Variants in DUSP16 observed in about 807,000 individuals in gnomAD.
The protein encoded by DUSP16 is dual specificity protein phosphatase 16.
A neutral mutation model predicts 58.3 loss-of-function variants in DUSP16; 21 were observed. That is an observed-to-expected ratio of 0.36 (90% CI 0.26 to 0.52). The LOEUF is 0.52. Ranked by LOEUF, DUSP16 falls within the 20% of genes least tolerant of loss-of-function variation. The pLI is 0.94. For missense variants in DUSP16, 726 were observed against 819.0 expected, an observed-to-expected ratio of 0.89 and a Z score of 1.39; for synonymous variants, 320 against 323.8, an observed-to-expected ratio of 0.99 and a Z score of 0.12.
rs777845455 is a variant in DUSP16, at chr12:12,520,953, T to C, written c.146A>G (p.Asn49Ser). The C allele has an allele frequency of 5.0e-6, 8 of 1,614,224 alleles. No individual in the cohort carries two copies. The highest frequency in any genetic ancestry group is 4.5e-5 in the East Asian group (2 of 44,882). The change falls in exon 2 of 7, where the codon AAC becomes AGC. Residue 49 changes from asparagine (N) to serine (S), a missense_variant. Physicochemically the swap from Asn to Ser is conservative, Grantham distance 46 (BLOSUM62 1). Transcript: ENST00000298573. ...CCTTCGCTTCATAAGCTTGGAGCAG[T>C]TGATATTAATGGCTTCCAAAATGTG... ...TSHILEAINI[N>S]CSKLMKRRLQ... is the part of the protein sequence containing the mutation.
At chr12:12,546,551 A>T (rs1450526742) in intron 1 of DUSP16, among the ~76,000 whole-genome samples, 1 of 152,182 alleles carries the variant, frequency 6.6e-6, no homozygotes, top group Non-Finnish European at 1.5e-5. Context: ...TTTTGTAAGA[A>T]GGGACTGGTA....
In DUSP16 at chr12:12,518,771, C is replaced by T. The variant is rs573134363; in HGVS notation, c.367+1091G>A. Among the ~76,000 whole-genome samples, 7 of 152,268 alleles carry T rather than the reference C, an allele frequency of 4.6e-5. No individual in the cohort carries two copies. The South Asian group carries it at 1.4e-3, about 32-fold the overall frequency. ...ACTACATTCTAAGACAAGCTGGCTTCACTTAAGAACACTAATTGAAAGATC... is the reference window on the plus strand; with the variant it reads ...ACTACATTCTAAGACAAGCTGGCTTTACTTAAGAACACTAATTGAAAGATC... On this transcript the variant is annotated intron_variant, in intron 3 of 6. Transcript: ENST00000298573.
Position 12,498,429 on chromosome 12 carries a change from T to TA in DUSP16, c.531+2089_531+2090insT, listed in dbSNP as rs202108077. Among the ~76,000 whole-genome samples the TA allele has an allele frequency of 3.1e-3, 463 of 151,354 alleles. 4 individuals are homozygous for TA. The East Asian group carries it at 0.069, about 22-fold the overall frequency. On this transcript the variant is annotated intron_variant, in intron 4 of 6. Coordinates refer to ENST00000298573, the MANE Select transcript of DUSP16 (RefSeq NM_030640.3). Reference sequence around the variant, plus strand: ...TTATTTATTTATTTATTTATTTATTTTTTGAGATAGGGCTTTGCTCTGTCA... The same window carrying TA: ...TTATTTATTTATTTATTTATTTATTTATTTGAGATAGGGCTTTGCTCTGTCA...
chr12:12,480,426 G>C (rs78272409), intron 5 of DUSP16, 80 bp from the exon 6 acceptor site: 127,750 of 1,533,552 alleles, frequency 0.083, 6,283 homozygotes, highest in East Asian at 0.18. Flanking sequence ...TACTTACTCA[G>C]TGTCTTCCAC....
At position 12,477,344 on chromosome 12, in the gene DUSP16, T is replaced by C. The variant is rs1943467133; in HGVS notation, c.1487A>G (p.Gln496Arg). Residue 496 changes from glutamine (Q) to arginine (R), a missense_variant, in exon 7 of 7, where the codon CAG (glutamine) becomes CGG (arginine). By Grantham distance (43) the Gln-to-Arg change is conservative. Coordinates refer to ENST00000298573, the MANE Select transcript of DUSP16 (RefSeq NM_030640.3). This position sits in a 1 kb window ranked among gnomAD's most constrained non-coding sequence, Gnocchi z 4.1. Reference sequence around the variant, plus strand: ...ATGCAGTGGAGATAAAAGGGACCTCTGGGCGGTGCCACTGCTGCTGGTTCT... The same window carrying C: ...ATGCAGTGGAGATAAAAGGGACCTCCGGGCGGTGCCACTGCTGCTGGTTCT... The part of the protein sequence containing the change: ...SVRTSSSGTA[Q>R]RSLLSPLHRS... The C allele has an allele frequency of 6.2e-7, 1 of 1,614,122 alleles. No homozygotes were observed. The highest frequency in any genetic ancestry group is 1.3e-5 in the African/African-American group (1 of 74,936).
At position 12,553,523 on chromosome 12, in the gene DUSP16, T is replaced by C. The variant is rs566868112; in HGVS notation, c.-366+8594A>G. 5.9e-5 allele frequency among the ~76,000 whole-genome samples: 9 copies of C among 152,316 alleles called. No individual in the cohort carries two copies. In the South Asian group the frequency reaches 1.9e-3, roughly 32 times the overall value. On this transcript the variant is annotated intron_variant, in intron 1 of 6. Coordinates refer to ENST00000298573, the MANE Select transcript of DUSP16 (RefSeq NM_030640.3). ...ATTACAAGATCTCAAAGTTAAGCAT[T>C]TTAAACACTTCTTATGATGTTTTGT...
Position 12,487,185 on chromosome 12 carries a change from C to T in DUSP16, c.534G>A (p.Glu178=), listed in dbSNP as rs1218376034. 6.2e-7 allele frequency: 1 copy of T among 1,613,724 alleles called. No individual in the cohort carries two copies. Among genetic ancestry groups the T allele is most frequent in the Non-Finnish European group, 8.5e-7 (1 of 1,179,818 alleles). The change falls in exon 5 of 7, where the codon GAG becomes GAA. Residue 178 remains glutamate, a splice_region_variant and synonymous_variant. Transcript: ENST00000298573. ...LGCQRDVLNK[E]LMQQNGIGYV... ...AACCAATCCCATTCTGCTGCATCAG[C>T]TCCTATGGAGAGAAAGAGTAGCAGT...
intron 3 of DUSP16, among the ~76,000 whole-genome samples, chr12:12,504,254 T>C (rs927890411): frequency 7.9e-5 from 12 of 152,162 alleles, no homozygotes; most frequent in African/African-American, 2.7e-4. Flanking sequence ...TCTATTAACA[T>C]GTAGTTTTGG....
At chr12:12,505,205 T>C (rs1004475067) in intron 3 of DUSP16, among the ~76,000 whole-genome samples, 3 of 152,188 alleles carry the variant, frequency 2.0e-5, no homozygotes, top group Non-Finnish European at 2.9e-5. Flanking sequence ...GTTATAAGTC[T>C]ACTTTTCTAA....
intron 1 of DUSP16, among the ~76,000 whole-genome samples, chr12:12,559,458 A>C (rs1408751215): frequency 6.6e-6 from 1 of 152,132 alleles, no homozygotes; most frequent in Non-Finnish European, 1.5e-5. Flanking sequence ...CCCTATATTA[A>C]TTTACTTCTT....
intron 1 of DUSP16, among the ~76,000 whole-genome samples, chr12:12,538,055 T>C (rs532710068): frequency 1.3e-5 from 2 of 152,318 alleles, no homozygotes; most frequent in Non-Finnish European, 2.9e-5. Context: ...GGAGATTGAT[T>C]CGTGGGTCTA....
chr12:12,562,032 G>A (rs1371762650), intron 1 of DUSP16, 85 bp downstream of exon 1: 3 of 150,140 alleles, frequency 2.0e-5, no homozygotes, highest in South Asian at 4.2e-4. Flanking sequence ...GCGCTGCGGA[G>A]CGTCCATGCG....
chr12:12,518,023 C>T (rs765392332), intron 3 of DUSP16, among the ~76,000 whole-genome samples: 6 of 152,198 alleles, frequency 3.9e-5, no homozygotes, highest in Non-Finnish European at 8.8e-5. Flanking sequence ...CAAAGGAATG[C>T]TCTTTGGTAA....
chr12:12,505,198 A>G (rs1310046162), intron 3 of DUSP16, among the ~76,000 whole-genome samples: 2 of 152,200 alleles, frequency 1.3e-5, no homozygotes, highest in Non-Finnish European at 2.9e-5. Flanking sequence ...GAGCCAGGTT[A>G]TAAGTCTACT....
At chr12:12,519,221 TA>T (rs1263629477) in intron 3 of DUSP16, among the ~76,000 whole-genome samples, 3 of 152,226 alleles carry the variant, frequency 2.0e-5, no homozygotes, top group African/African-American at 7.2e-5. Flanking sequence ...AGATATAGAA[TA>T]TTTGGTCCTT....
chr12:12,513,866 T>G (rs901032853), intron 3 of DUSP16, among the ~76,000 whole-genome samples: 2 of 152,192 alleles, frequency 1.3e-5, no homozygotes, highest in Non-Finnish European at 2.9e-5. Context: ...TATATTTACT[T>G]CTAATCTGGC....
intron 3 of DUSP16, among the ~76,000 whole-genome samples, chr12:12,507,623 T>C (rs937616622): frequency 6.6e-6 from 1 of 151,950 alleles, no homozygotes; most frequent in Non-Finnish European, 1.5e-5. Flanking sequence ...GTTGTTGTTT[T>C]TTGGAGATGG....
At chr12:12,528,630 T>C (rs1944338361) in intron 1 of DUSP16, among the ~76,000 whole-genome samples, 1 of 152,184 alleles carries the variant, frequency 6.6e-6, no homozygotes, top group South Asian at 2.1e-4. Flanking sequence ...GCACCTAATA[T>C]GTGCCAGGCA....
chr12:12,559,211 T>C (rs903031474), intron 1 of DUSP16, among the ~76,000 whole-genome samples: 1 of 152,254 alleles, frequency 6.6e-6, no homozygotes, highest in African/African-American at 2.4e-5. Flanking sequence ...GCAAGACTTA[T>C]TTTCCTAATT....
Sources: gnomAD v4.1 joint callset for allele counts (sites outside exome capture counted in the v4.1 genomes callset) on GRCh38, gnomAD v4.1.1 for gene constraint, Gnocchi (gnomAD v3.1) non-coding constraint, MANE v1.5 for transcripts, NCBI Gene and HGNC (gene_info 2026-07-23, HGNC 2026-07-21) for gene names.